The following RBFOX1 variants were observed in gnomAD, a reference collection of about 807,000 sequenced individuals.
RBFOX1 encodes RNA binding fox-1 homolog 1.
In RBFOX1, 8 loss-of-function variants were observed where a neutral mutation model predicts 57.7. That is an observed-to-expected ratio of 0.14 (90% CI 0.08 to 0.25). RBFOX1 has a LOEUF of 0.25. RBFOX1 is among the 10% of genes least tolerant of loss of function. The pLI, the probability that RBFOX1 is intolerant of heterozygous loss-of-function variation, is 1.00. For synonymous variants in RBFOX1, 326 were observed against 222.4 expected (o/e 1.47, Z -4.15); for missense variants, 611 against 548.5 (o/e 1.11, Z -1.14).
At chr16:6,483,788 C>A (rs1199643998) in intron 2 of RBFOX1, 1 of 1,385,948 alleles carries the variant, frequency 7.2e-7, no homozygotes, top group East Asian at 2.7e-5. Flanking sequence ...AGCGCAGACA[C>A]GGTGGCGGCG....
At chr16:7,546,014 T>TATA (rs1555576424) in intron 5 of RBFOX1, among the ~76,000 whole-genome samples, 14 of 134,136 alleles carry the variant, frequency 1.0e-4, no homozygotes, top group East Asian at 6.9e-4. Flanking sequence ...TCTGAGCTTA[T>TATA]AAAAAAAAAA....
intron 4 of RBFOX1, among the ~76,000 whole-genome samples, chr16:7,508,237 C>CT (rs1298408669): frequency 6.6e-6 from 1 of 152,108 alleles, no homozygotes; most frequent in Non-Finnish European, 1.5e-5. Context: ...CTCGGCCTTC[C>CT]TAAGTGCTGG....
At chr16:5,700,030 T>C (rs371992602) in intron 3 of RBFOX1, among the ~76,000 whole-genome samples, 103 of 152,160 alleles carry the variant, frequency 6.8e-4, no homozygotes, top group African/African-American at 1.2e-3. Flanking sequence ...GACGGGGTTT[T>C]ACCGTGTTAG....
chr16:7,381,074 C>T (rs1392986438), intron 4 of RBFOX1, among the ~76,000 whole-genome samples: 2 of 152,208 alleles, frequency 1.3e-5, no homozygotes, highest in African/African-American at 4.8e-5. Flanking sequence ...TTTGTGAATA[C>T]ACTGGAGATG....
chr16:6,417,670 G>GT (rs930206218), intron 2 of RBFOX1, among the ~76,000 whole-genome samples: 4 of 149,510 alleles, frequency 2.7e-5, no homozygotes, highest in Admixed American at 1.3e-4. Context: ...GATTACAGGT[G>GT]TGAGCCACCA....
chr16:7,187,558 G>C (rs532218752), intron 4 of RBFOX1, among the ~76,000 whole-genome samples: 1 of 151,024 alleles, frequency 6.6e-6, no homozygotes, highest in Non-Finnish European at 1.5e-5. Flanking sequence ...GCGTGGTGGC[G>C]GGCGCCTGTA....
Position 6,640,923 on chromosome 16 carries a change from G to A in RBFOX1, c.-63-13680G>A, listed in dbSNP as rs112119929. 2.0e-4 allele frequency among the ~76,000 whole-genome samples: 30 copies of A among 152,190 alleles called. 1 individual carries two copies. The highest frequency in any genetic ancestry group is 7.0e-4 in the African/African-American group (29 of 41,518). On this transcript the variant is annotated intron_variant, in intron 2 of 15. Transcript: ENST00000550418. ...GCACCAGAAACCCCAGGTAGGCTTC[G>A]CAGATGAAAATAATGACTGTGGCAG... is the stretch of plus-strand genomic sequence containing the variant.
chr16:7,016,599 G>C (rs1568382434), intron 3 of RBFOX1, among the ~76,000 whole-genome samples: 1 of 152,156 alleles, frequency 6.6e-6, no homozygotes, highest in Non-Finnish European at 1.5e-5. Flanking sequence ...CTTCCACTTG[G>C]GTAGACACGC....
intron 1 of RBFOX1, among the ~76,000 whole-genome samples, chr16:5,345,034 G>A (rs921363874): frequency 1.3e-5 from 2 of 152,232 alleles, no homozygotes; most frequent in Admixed American, 1.3e-4. Flanking sequence ...CATCTGTCTA[G>A]TTCTTCTGTT....
At chr16:5,900,603 A>G (rs7200864) in intron 4 of RBFOX1, among the ~76,000 whole-genome samples, 25,600 of 152,090 alleles carry the variant, frequency 0.17, 2,301 homozygotes, top group Middle Eastern at 0.3. Flanking sequence ...CCTCATCCGT[A>G]TTCTTCCCAG....
intron 3 of RBFOX1, among the ~76,000 whole-genome samples, chr16:6,736,981 T>C (rs1246481256): frequency 1.3e-5 from 2 of 152,194 alleles, no homozygotes; most frequent in Admixed American, 1.3e-4. Context: ...TGCCCTGTAT[T>C]CGCCACTTAT....
intron 4 of RBFOX1, among the ~76,000 whole-genome samples, chr16:7,336,231 C>G (rs761656050): frequency 6.6e-5 from 10 of 152,170 alleles, no homozygotes; most frequent in South Asian, 6.2e-4. Flanking sequence ...AATGACATAA[C>G]CAAAACAACA....
intron 3 of RBFOX1, among the ~76,000 whole-genome samples, chr16:7,023,612 TACATGACTATAATTTCAGCACTGGGAA>T (rs1339145103): frequency 8.4e-6 from 1 of 119,626 alleles, no homozygotes; most frequent in Non-Finnish European, 1.7e-5. Flanking sequence ...GCCATAGTGG[TACATGACTATAATTTCAGCACTGGGAA>T]GGCCCCAGTA....
chr16:7,295,789 C>G (rs62014007), intron 4 of RBFOX1, among the ~76,000 whole-genome samples: 2 of 152,198 alleles, frequency 1.3e-5, no homozygotes, highest in Non-Finnish European at 2.9e-5. Context: ...TGGCCTTGAA[C>G]GAGCAGGGCT....
At chr16:5,403,349 C>CAAAAAAAAAAAAAAAAAAAAAAAAAA (rs767830099) in intron 1 of RBFOX1, among the ~76,000 whole-genome samples, 1 of 82,258 alleles carries the variant, frequency 1.2e-5, no homozygotes, top group Non-Finnish European at 2.8e-5. Flanking sequence ...AACGCTGTCT[C>CAAAAAAAAAAAAAAAAAAAAAAAAAA]AAAAAAAAAA....
intron 4 of RBFOX1, among the ~76,000 whole-genome samples, chr16:7,456,118 C>G (rs1220535775): frequency 6.6e-6 from 1 of 152,150 alleles, no homozygotes; most frequent in Non-Finnish European, 1.5e-5. Flanking sequence ...CTACATTGCC[C>G]TTTTGCACTG....
chr16:6,911,601 C>T (rs997067297), intron 3 of RBFOX1, among the ~76,000 whole-genome samples: 1 of 152,172 alleles, frequency 6.6e-6, no homozygotes, highest in Non-Finnish European at 1.5e-5. Context: ...TCTGTAAAGA[C>T]CCTGCTTCCA....
intron 3 of RBFOX1, among the ~76,000 whole-genome samples, chr16:5,831,078 C>T (rs570324612): frequency 2.0e-5 from 3 of 152,176 alleles, no homozygotes; most frequent in Non-Finnish European, 2.9e-5. Context: ...GGGATACGAG[C>T]ATCTTTAACA....
intron 3 of RBFOX1, among the ~76,000 whole-genome samples, chr16:6,944,421 A>T (rs935977861): frequency 6.7e-6 from 1 of 149,694 alleles, no homozygotes; most frequent in African/African-American, 2.5e-5. Context: ...AAAAAGAAAG[A>T]AAAGAAAAAA....
Sources: allele counts gnomAD v4.1 joint callset (sites outside exome capture counted in the v4.1 genomes callset), GRCh38; gene constraint gnomAD v4.1.1; transcripts MANE v1.5; gene names NCBI Gene and HGNC (gene_info 2026-07-23, HGNC 2026-07-21).